LCORL: variants seen among roughly 807,000 people sequenced by gnomAD.
LCORL encodes the protein ligand-dependent nuclear receptor corepressor-like protein.
In LCORL, 41 loss-of-function variants were observed where a neutral mutation model predicts 141.8. The ratio of observed to expected loss-of-function variants is 0.29; its 90% CI spans 0.23 to 0.38. The LOEUF is 0.38. LCORL is among the 10% of genes least tolerant of loss of function. The pLI is 1.00. For synonymous variants in LCORL, 618 were observed against 694.1 expected, an observed-to-expected ratio of 0.89 and a Z score of 1.72; for missense variants, 1,759 against 2,035.0, an observed-to-expected ratio of 0.86 and a Z score of 2.61.
At chr4:17,901,327 G>C (rs993344137) in intron 5 of LCORL, among the ~76,000 whole-genome samples, 1 of 151,030 alleles carries the variant, frequency 6.6e-6, no homozygotes. Flanking sequence ...ATACCAAACA[G>C]ATAATTATGT....
In LCORL at chr4:17,985,509, C is replaced by A. The variant is rs1003358239; in HGVS notation, c.155-12624G>T. Among the ~76,000 whole-genome samples the A allele has an allele frequency of 3.3e-5, 5 of 152,176 alleles. No individual in the cohort carries two copies. The East Asian group carries it at 9.6e-4, about 29-fold the overall frequency. ...TCTTCTTGTTGAATTGAACCCTTTACCCTTATTTAATGCTCTTCTTTGCCA... is the reference window on the plus strand; with the variant it reads ...TCTTCTTGTTGAATTGAACCCTTTAACCTTATTTAATGCTCTTCTTTGCCA... On this transcript the variant is annotated intron_variant, in intron 1 of 7. Coordinates refer to ENST00000635767, the Ensembl canonical transcript of LCORL.
At chr4:17,928,217 G>A (rs79006888) in intron 4 of LCORL, among the ~76,000 whole-genome samples, 1 of 152,044 alleles carries the variant, frequency 6.6e-6, no homozygotes, top group Non-Finnish European at 1.5e-5. Flanking sequence ...GATCAGCCTG[G>A]GCAGTATGGT....
At chr4:17,954,870 C>T (rs568097139) in intron 4 of LCORL, among the ~76,000 whole-genome samples, 2 of 152,264 alleles carry the variant, frequency 1.3e-5, no homozygotes, top group African/African-American at 4.8e-5. Context: ...AGGATAAAAT[C>T]AAGTGTTCTG....
At chr4:17,860,163 TA>T (rs1201586163) in intron 7 of LCORL, among the ~76,000 whole-genome samples, 4 of 152,118 alleles carry the variant, frequency 2.6e-5, no homozygotes, top group African/African-American at 4.8e-5. Flanking sequence ...CAATCCTAAA[TA>T]AAAAGAACAA....
intron 2 of LCORL, among the ~76,000 whole-genome samples, chr4:17,971,728 A>T (rs917579198): frequency 6.6e-6 from 1 of 151,828 alleles, no homozygotes; most frequent in Non-Finnish European, 1.5e-5. Context: ...CATTAAAAAT[A>T]CTTTCAATCT....
chr4:17,880,562 G>A (rs1727428342), intron 6 of LCORL: 13 of 960,544 alleles, frequency 1.4e-5, no homozygotes, highest in Non-Finnish European at 1.6e-5. Flanking sequence ...TAATAAAACT[G>A]CTTCCTAAAG....
intron 1 of LCORL, among the ~76,000 whole-genome samples, chr4:18,019,303 C>T (rs1310568086): frequency 2.0e-5 from 3 of 152,188 alleles, no homozygotes; most frequent in Non-Finnish European, 4.4e-5. Context: ...AGCACCGCTA[C>T]ACTCCAGCCT....
At chr4:17,847,195 C>G (rs1369877032) in intron 7 of LCORL, among the ~76,000 whole-genome samples, 1 of 152,178 alleles carries the variant, frequency 6.6e-6, no homozygotes, top group East Asian at 1.9e-4. Flanking sequence ...CAACAGCTCT[C>G]TAATTCACTT....
intron 6 of LCORL, among the ~76,000 whole-genome samples, chr4:17,879,577 T>C (rs991635778): frequency 2.6e-5 from 4 of 151,120 alleles, no homozygotes; most frequent in South Asian, 2.1e-4. Context: ...ATAAACTTTG[T>C]CATGGTTGGG....
intron 1 of LCORL, among the ~76,000 whole-genome samples, chr4:17,996,891 T>A (rs1577681815): frequency 1.3e-5 from 2 of 152,128 alleles, no homozygotes; most frequent in South Asian, 2.1e-4. Context: ...TCTGGTTCTC[T>A]ACTGTCTACA....
At chr4:17,885,293 A>G (rs745420729) in intron 6 of LCORL, among the ~76,000 whole-genome samples, 1 of 151,994 alleles carries the variant, frequency 6.6e-6, no homozygotes, top group African/African-American at 2.4e-5. Flanking sequence ...AGTAGATGTT[A>G]TATTTGAATA....
intron 5 of LCORL, among the ~76,000 whole-genome samples, chr4:17,895,723 C>T (rs548994703): frequency 6.6e-6 from 1 of 152,290 alleles, no homozygotes; most frequent in Non-Finnish European, 1.5e-5. Context: ...TGACTCCTGG[C>T]CTTTGGCAAC....
intron 1 of LCORL, among the ~76,000 whole-genome samples, chr4:18,010,229 A>C (rs566924534): frequency 6.7e-6 from 1 of 149,054 alleles, no homozygotes; most frequent in African/African-American, 2.4e-5. Flanking sequence ...TTCTAACCAA[A>C]CATGCATTTT....
Position 17,915,045 on chromosome 4 carries a change from T to C in LCORL, c.431-5700A>G, listed in dbSNP as rs75949160. Among the ~76,000 whole-genome samples the C allele has an allele frequency of 3.4e-3, 519 of 152,294 alleles. 4 individuals are homozygous for C. Among genetic ancestry groups the C allele is most frequent in the South Asian group, 0.01 (50 of 4,820 alleles). On this transcript the variant is annotated intron_variant, in intron 4 of 7. Coordinates refer to ENST00000635767, the Ensembl canonical transcript of LCORL. Reference sequence around the variant, plus strand: ...GGACACTGATGAACATTGATGCTCCTGGTTGTTTTCTCTTTTGCCCCTCTT... The same window carrying C: ...GGACACTGATGAACATTGATGCTCCCGGTTGTTTTCTCTTTTGCCCCTCTT...
chr4:17,882,610 A>G, intron 6 of LCORL: 1 of 984,696 alleles, frequency 1.0e-6, no homozygotes, highest in Non-Finnish European at 1.2e-6. Context: ...GACCCTGAAC[A>G]AACTGCAAAT....
chr4:17,873,670 T>A lies in LCORL; in HGVS notation c.5320A>T (p.Arg1774Ter). The change falls in exon 7 of 8, where the codon AGA becomes TGA. Residue 1774 changes from arginine (R) to a stop codon, truncating the protein, a stop_gained. Transcript: ENST00000635767. LOFTEE classifies it high-confidence loss of function. ...GAATTTTGCCTAGCAGAATGAGATC[T>A]TAAAGTAAAGCGCTTTGATTCTTCC... 8.1e-7 allele frequency: 1 copy of A among 1,233,992 alleles called. No individual in the cohort carries two copies. Among genetic ancestry groups the A allele is most frequent in the Non-Finnish European group, 1.0e-6 (1 of 987,946 alleles). 76.4% of individuals were successfully genotyped at this position (1,233,992 alleles called of 1,614,324 possible).
At chr4:17,931,197 CT>C (rs1189046287) in intron 4 of LCORL, among the ~76,000 whole-genome samples, 1 of 152,094 alleles carries the variant, frequency 6.6e-6, no homozygotes, top group African/African-American at 2.4e-5. Context: ...CTATTACCCC[CT>C]CTCCTCCTCC....
intron 5 of LCORL, among the ~76,000 whole-genome samples, chr4:17,903,709 G>A (rs1179120948): frequency 4.6e-5 from 7 of 151,966 alleles, no homozygotes; most frequent in Non-Finnish European, 1.0e-4. Context: ...GTACAATGGA[G>A]AGGAAAATAG....
chr4:17,975,545 T>C (rs940131206), intron 1 of LCORL, among the ~76,000 whole-genome samples: 1 of 151,986 alleles, frequency 6.6e-6, no homozygotes, highest in African/African-American at 2.4e-5. Context: ...TAAAGGCACA[T>C]GCCATCACGC....
Sources: allele counts gnomAD v4.1 joint callset (sites outside exome capture counted in the v4.1 genomes callset), GRCh38; gene constraint gnomAD v4.1.1; transcripts MANE v1.5; gene names NCBI Gene and HGNC (gene_info 2026-07-23, HGNC 2026-07-21).